SPMIP2: variants seen among roughly 807,000 people sequenced by gnomAD.
SPMIP2 encodes protein SPMIP2.
the SPMIP2 span, among the ~76,000 whole-genome samples, chr4:158,919,838 A>T: frequency 1.3e-5 from 2 of 152,118 alleles, no homozygotes; most frequent in Admixed American, 1.3e-4. Context: ...TGTCCTTTTG[A>T]CATGTCCCTG....
chr4:158,975,042 T>C, the SPMIP2 span, among the ~76,000 whole-genome samples: 5 of 152,244 alleles, frequency 3.3e-5, no homozygotes, highest in Non-Finnish European at 7.3e-5. Context: ...TTGATTTTCA[T>C]TTCTCTAATG....
the SPMIP2 span, among the ~76,000 whole-genome samples, chr4:158,992,565 G>A: frequency 4.6e-5 from 4 of 86,980 alleles, no homozygotes; most frequent in African/African-American, 1.2e-4. Context: ...CAGCTGTCTT[G>A]GTTTGTGCTG....
chr4:158,999,467 T>A, the SPMIP2 span, among the ~76,000 whole-genome samples: 1 of 152,208 alleles, frequency 6.6e-6, no homozygotes, highest in Non-Finnish European at 1.5e-5. Context: ...CTCAACCTTG[T>A]AAATATATAA....
the SPMIP2 span, among the ~76,000 whole-genome samples, chr4:159,032,890 A>G: frequency 6.6e-6 from 1 of 151,988 alleles, no homozygotes; most frequent in East Asian, 1.9e-4. Context: ...GCAAAATAGT[A>G]TAGCTAGTTT....
At chr4:159,026,623 G>A in the SPMIP2 span, 3 of 343,734 alleles carry the variant, frequency 8.7e-6, no homozygotes, top group Non-Finnish European at 1.6e-5. Flanking sequence ...TTTCATTACT[G>A]TGTTCAATTA....
chr4:159,053,396 A>G, the SPMIP2 span, among the ~76,000 whole-genome samples: 1 of 152,186 alleles, frequency 6.6e-6, no homozygotes, highest in Non-Finnish European at 1.5e-5. Context: ...GATGGGTAAT[A>G]TATTGAGTTA....
At chr4:158,917,414 AG>A in the SPMIP2 span, among the ~76,000 whole-genome samples, 1 of 151,624 alleles carries the variant, frequency 6.6e-6, no homozygotes, top group African/African-American at 2.4e-5. Flanking sequence ...GTGACAGAGC[AG>A]GGGGAAAAAA....
chr4:158,974,440 C>T, the SPMIP2 span, among the ~76,000 whole-genome samples: 17 of 152,088 alleles, frequency 1.1e-4, no homozygotes, highest in Admixed American at 2.6e-4. Context: ...GTATTTCTCC[C>T]AATGCTATCC....
the SPMIP2 span, among the ~76,000 whole-genome samples, chr4:159,072,762 C>CCT: frequency 1.3e-5 from 2 of 151,990 alleles, no homozygotes; most frequent in African/African-American, 4.8e-5. Context: ...ATTCTTTTTT[C>CCT]AGTGTCCCAA....
the SPMIP2 span, among the ~76,000 whole-genome samples, chr4:158,940,559 CTT>C: frequency 8.1e-5 from 11 of 135,100 alleles, no homozygotes; most frequent in Non-Finnish European, 9.4e-5. Context: ...GTTGTTCCTT[CTT>C]TTTTTTTTTT....
chr4:159,018,331 T>A, the SPMIP2 span, among the ~76,000 whole-genome samples: 2 of 152,182 alleles, frequency 1.3e-5, no homozygotes, highest in Non-Finnish European at 2.9e-5. Flanking sequence ...TCCCACAAAA[T>A]GTCTCTTGTG....
the SPMIP2 span, chr4:158,973,246 G>A: frequency 1.2e-6 from 2 of 1,613,720 alleles, no homozygotes; most frequent in Non-Finnish European, 1.7e-6. Flanking sequence ...AACGCCAGAT[G>A]CTGTTCTCCT....
the SPMIP2 span, chr4:158,904,814 A>G: frequency 2.4e-6 from 1 of 415,914 alleles, no homozygotes; most frequent in Non-Finnish European, 4.4e-6. Flanking sequence ...TGGTAGGAGG[A>G]AACATAAGCA....
the SPMIP2 span, among the ~76,000 whole-genome samples, chr4:158,953,976 C>A: frequency 4.6e-5 from 7 of 152,154 alleles, 1 homozygote; most frequent in Admixed American, 4.6e-4. Flanking sequence ...GGCTCATAGG[C>A]AGAAGGGACT....
the SPMIP2 span, among the ~76,000 whole-genome samples, chr4:158,972,494 T>A: frequency 6.6e-6 from 1 of 152,174 alleles, no homozygotes; most frequent in African/African-American, 2.4e-5. Context: ...TGGAAAAAAA[T>A]ATCCAAATTC....
chr4:158,957,734 T>C, the SPMIP2 span, among the ~76,000 whole-genome samples: 1 of 152,190 alleles, frequency 6.6e-6, no homozygotes, highest in African/African-American at 2.4e-5. Context: ...CTCACCTATC[T>C]TGTCAACATC....
chr4:158,901,128 ATTTTT>A, the SPMIP2 span, among the ~76,000 whole-genome samples: 46 of 112,296 alleles, frequency 4.1e-4, no homozygotes, highest in African/African-American at 1.6e-3. Flanking sequence ...CTGGGTTGAA[ATTTTT>A]TTTTTTTTTT....
At chr4:158,929,535 T>C in the SPMIP2 span, among the ~76,000 whole-genome samples, 2 of 152,244 alleles carry the variant, frequency 1.3e-5, no homozygotes, top group African/African-American at 2.4e-5. Flanking sequence ...TTTAATTCCC[T>C]TGTTGTATCT....
the SPMIP2 span, among the ~76,000 whole-genome samples, chr4:158,928,194 T>C: frequency 7.2e-5 from 11 of 152,232 alleles, no homozygotes; most frequent in East Asian, 1.9e-3. Flanking sequence ...GGAGAACCTT[T>C]ATGTCTAGCT....
Sources: allele counts gnomAD v4.1 joint callset (sites outside exome capture counted in the v4.1 genomes callset), GRCh38; gene constraint gnomAD v4.1.1; transcripts MANE v1.5; gene names NCBI Gene and HGNC (gene_info 2026-07-23, HGNC 2026-07-21).